SLC35F4: variants seen among roughly 807,000 people sequenced by gnomAD.
SLC35F4 encodes the protein chromosome 14 open reading frame 36.
In SLC35F4, 24 loss-of-function variants were observed where a neutral mutation model predicts 44.2. That is an observed-to-expected ratio of 0.54 (90% confidence interval 0.39 to 0.76). The LOEUF (loss-of-function observed/expected upper bound fraction) is 0.76. Ranked by LOEUF, SLC35F4 falls within the 30% of genes least tolerant of loss-of-function variation. The pLI is 0.00. For synonymous variants in SLC35F4, 238 were observed against 223.6 expected, an observed-to-expected ratio of 1.06 and a Z score of -0.57; for missense variants, 562 against 586.1, an observed-to-expected ratio of 0.96 and a Z score of 0.42.
At chr14:57,665,861 A>G (rs1246119938) in intron 1 of SLC35F4, among the ~76,000 whole-genome samples, 1 of 152,210 alleles carries the variant, frequency 6.6e-6, no homozygotes, top group Non-Finnish European at 1.5e-5. Context: ...CATTCTCCTT[A>G]GCGAATTAGC....
chr14:57,647,698 C>G (rs2073599686), intron 1 of SLC35F4, among the ~76,000 whole-genome samples: 1 of 152,146 alleles, frequency 6.6e-6, no homozygotes, highest in Non-Finnish European at 1.5e-5. Flanking sequence ...TTTTCCTAGA[C>G]CCATCTGTGT....
chr14:57,699,366 C>T (rs984497125), intron 1 of SLC35F4, among the ~76,000 whole-genome samples: 3 of 152,100 alleles, frequency 2.0e-5, no homozygotes, highest in African/African-American at 7.2e-5. Flanking sequence ...TTTATTTTAA[C>T]ACTTTTTCAG....
intron 1 of SLC35F4, among the ~76,000 whole-genome samples, chr14:57,968,480 T>C (rs573286266): frequency 2.0e-4 from 31 of 152,364 alleles, no homozygotes; most frequent in Admixed American, 1.7e-3. Flanking sequence ...TAAATGGTTG[T>C]TAATACTTTG....
At chr14:57,792,786 AG>A (rs1269553197) in intron 1 of SLC35F4, among the ~76,000 whole-genome samples, 2 of 151,986 alleles carry the variant, frequency 1.3e-5, no homozygotes, top group Admixed American at 6.6e-5. Flanking sequence ...GAAAGGTGGG[AG>A]GGGGGTGAGG....
intron 1 of SLC35F4, among the ~76,000 whole-genome samples, chr14:57,666,643 T>C (rs1303151523): frequency 1.3e-5 from 2 of 152,074 alleles, no homozygotes; most frequent in Admixed American, 6.6e-5. Flanking sequence ...TTTGTGATAA[T>C]TTGTTACATG....
intron 1 of SLC35F4, among the ~76,000 whole-genome samples, chr14:57,817,550 G>A (rs754681878): frequency 3.9e-5 from 6 of 152,258 alleles, no homozygotes; most frequent in East Asian, 1.9e-4. Flanking sequence ...TGGCAGGAAC[G>A]AGGATATATG....
chr14:57,852,210 G>T (rs749251675), intron 1 of SLC35F4, among the ~76,000 whole-genome samples: 4 of 152,160 alleles, frequency 2.6e-5, no homozygotes, highest in Non-Finnish European at 5.9e-5. Context: ...AAGCTGGAAA[G>T]GGCTCTCAGA....
intron 1 of SLC35F4, among the ~76,000 whole-genome samples, chr14:57,658,016 A>G (rs928889965): frequency 6.6e-6 from 1 of 152,210 alleles, no homozygotes; most frequent in Non-Finnish European, 1.5e-5. Context: ...AAACATGTCA[A>G]CAGTGTGCCT....
Position 57,964,990 on chromosome 14 carries a change from A to AT in SLC35F4, n.282+16922_282+16923insA, listed in dbSNP as rs1249540809. On this transcript the variant is annotated intron_variant and non_coding_transcript_variant, in intron 1 of 1. Transcript: ENST00000556568. ...CCCATGGGGGAAAAAAAAAAAAAAA[A>AT]AATATATATATATATATATATAGTT... is the stretch of plus-strand genomic sequence containing the variant. Among the ~76,000 whole-genome samples the AT allele has an allele frequency of 7.6e-3, 905 of 119,496 alleles. 4 individuals carry two copies. The highest frequency in any genetic ancestry group is 0.025 in the African/African-American group (757 of 30,414). The allele number at this position is 119,496 out of a possible 152,430, so 78.4% of individuals were successfully genotyped here. A position where few individuals can be genotyped will look rare whatever the true frequency, so the allele number is the denominator to read the frequency against.
chr14:57,819,619 C>G (rs1401396178), intron 1 of SLC35F4, among the ~76,000 whole-genome samples: 1 of 149,768 alleles, frequency 6.7e-6, no homozygotes, highest in Non-Finnish European at 1.5e-5. Context: ...GCCTGGCCAA[C>G]ATGTTGAAAC....
intron 1 of SLC35F4, among the ~76,000 whole-genome samples, chr14:57,665,533 A>T (rs1239778933): frequency 6.6e-6 from 1 of 152,204 alleles, no homozygotes; most frequent in Non-Finnish European, 1.5e-5. Flanking sequence ...AGTATTCAAG[A>T]TTGATTTCGC....
intron 1 of SLC35F4, among the ~76,000 whole-genome samples, chr14:57,765,181 A>G (rs2077207336): frequency 6.6e-6 from 1 of 152,350 alleles, no homozygotes; most frequent in African/African-American, 2.4e-5. Flanking sequence ...CAGATTTGGG[A>G]AAATGCATTA....
intron 1 of SLC35F4, among the ~76,000 whole-genome samples, chr14:57,964,667 G>A (rs1452546061): frequency 6.6e-6 from 1 of 152,036 alleles, no homozygotes; most frequent in African/African-American, 2.4e-5. Context: ...AAGAGGTTGT[G>A]CAGAATTCCT....
intron 1 of SLC35F4, among the ~76,000 whole-genome samples, chr14:57,733,968 A>C (rs1566805839): frequency 6.6e-6 from 1 of 152,200 alleles, no homozygotes; most frequent in Non-Finnish European, 1.5e-5. Flanking sequence ...AGAATGAAAA[A>C]ACAGAGATCT....
intron 3 of SLC35F4, among the ~76,000 whole-genome samples, chr14:57,583,181 G>C (rs192593613): frequency 0.02 from 3,000 of 152,214 alleles, 93 homozygotes; most frequent in African/African-American, 0.068. Context: ...CAGTCTCTTT[G>C]AAGCCCCACA....
chr14:57,884,372 C>G (rs1888603285), intron 1 of SLC35F4, among the ~76,000 whole-genome samples: 1 of 152,112 alleles, frequency 6.6e-6, no homozygotes, highest in African/African-American at 2.4e-5. Context: ...TAAATGTAAT[C>G]CCACTCCCTC....
At chr14:57,956,418 A>G (rs558467553) in intron 1 of SLC35F4, among the ~76,000 whole-genome samples, 7 of 152,354 alleles carry the variant, frequency 4.6e-5, no homozygotes, top group Admixed American at 4.6e-4. Flanking sequence ...AGCAATGGCA[A>G]CAAAAGCCAA....
chr14:57,950,314 C>T (rs1043249135), intron 1 of SLC35F4, among the ~76,000 whole-genome samples: 4 of 151,890 alleles, frequency 2.6e-5, no homozygotes, highest in African/African-American at 9.7e-5. Flanking sequence ...TTGTTCTAGT[C>T]TCTACTGAAA....
intron 1 of SLC35F4, among the ~76,000 whole-genome samples, chr14:57,632,089 C>T (rs938028613): frequency 2.0e-5 from 3 of 151,878 alleles, no homozygotes; most frequent in Non-Finnish European, 2.9e-5. Flanking sequence ...CATTTCTTTA[C>T]TGTTTGCAGT....
Sources: gnomAD v4.1 joint callset for allele counts (sites outside exome capture counted in the v4.1 genomes callset) on GRCh38, gnomAD v4.1.1 for gene constraint, MANE v1.5 for transcripts, NCBI Gene and HGNC (gene_info 2026-07-23, HGNC 2026-07-21) for gene names.